IHO1: variants seen among roughly 807,000 people sequenced by gnomAD.
The protein encoded by IHO1 is interactor of HORMAD1 protein 1.
IHO1 carries 13 observed loss-of-function variants against 31.0 expected under a neutral mutation model. The observed-to-expected ratio is 0.42, with a 90% confidence interval of 0.27 to 0.67. The LOEUF (loss-of-function observed/expected upper bound fraction) is 0.67, where lower values mean the gene tolerates loss of function less well. IHO1 is among the 30% of genes least tolerant of loss of function. IHO1 has a pLI of 0.24. For missense variants in IHO1, 599 were observed against 687.5 expected, an observed-to-expected ratio of 0.87 and a Z score of 1.44; for synonymous variants, 221 against 248.4, an observed-to-expected ratio of 0.89 and a Z score of 1.04.
rs77155465 is a variant in IHO1 at position 49,211,640 on chromosome 3, A to G, written c.-15-126A>G. Reference sequence around the variant, plus strand: ...CTCCGTCTCAAAAAAAAAAAACAGAAATTTTCACTAATTGGATGGGAATAT... The same window carrying G: ...CTCCGTCTCAAAAAAAAAAAACAGAGATTTTCACTAATTGGATGGGAATAT... On this transcript the variant is annotated intron_variant, in intron 1 of 7. Transcript: ENST00000452691. 3,339 of 390,232 alleles carry G rather than the reference A, an allele frequency of 8.6e-3. 89 individuals are homozygous for G. The highest frequency in any genetic ancestry group is 0.065 in the African/African-American group (3,026 of 46,634). 24.2% of individuals were successfully genotyped at this position (390,232 alleles called of 1,614,324 possible).
intron 2 of IHO1, among the ~76,000 whole-genome samples, chr3:49,231,545 A>AT (rs532502741): frequency 5.6e-4 from 86 of 152,296 alleles, no homozygotes; most frequent in Non-Finnish European, 7.5e-4. Context: ...TATTAATGTG[A>AT]TTTTGGATTC....
intron 6 of IHO1, among the ~76,000 whole-genome samples, chr3:49,251,670 C>T (rs555235175): frequency 1.2e-4 from 18 of 151,528 alleles, no homozygotes; most frequent in South Asian, 1.0e-3. Context: ...GGCGCGATCT[C>T]GGCTCACCGC....
In IHO1 at chr3:49,257,806, A is replaced by G. The variant is rs2046842709; in HGVS notation, c.*524A>G. 6.5e-6 allele frequency: 1 copy of G among 153,588 alleles called. No individual in the cohort carries two copies. Among genetic ancestry groups the G allele is most frequent in the East Asian group, 1.9e-4 (1 of 5,218 alleles). 9.5% of individuals were successfully genotyped at this position (153,588 alleles called of 1,614,324 possible). A position where few individuals can be genotyped will look rare whatever the true frequency, so the allele number is the denominator to read the frequency against. ...CAGTAGACATATTACAGGACACCCT[A>G]AATCTTCTTGTGAACAGAGAAAATA... On this transcript the variant is annotated 3_prime_UTR_variant, in exon 8 of 8. Transcript: ENST00000452691.
intron 2 of IHO1, among the ~76,000 whole-genome samples, chr3:49,224,447 G>A (rs1575574639): frequency 2.0e-5 from 3 of 152,326 alleles, no homozygotes; most frequent in South Asian, 2.1e-4. Flanking sequence ...GTATTTAATG[G>A]GGGTTCTTCC....
intron 2 of IHO1, among the ~76,000 whole-genome samples, chr3:49,215,574 G>A (rs1225650675): frequency 6.6e-6 from 1 of 152,204 alleles, no homozygotes. Flanking sequence ...TCTAGGTCCT[G>A]CTGCTCGCCA....
At chr3:49,221,074 G>A in intron 2 of IHO1, among the ~76,000 whole-genome samples, 1 of 152,100 alleles carries the variant, frequency 6.6e-6, no homozygotes, top group South Asian at 2.1e-4. Flanking sequence ...GTGCTGATTG[G>A]GCCATTTTAC....
In IHO1 at chr3:49,211,831, C is replaced by T. The variant is rs780848556; in HGVS notation, c.51C>T (p.Gly17=). Residue 17 remains glycine (G), a synonymous_variant, in exon 2 of 8, where the codon GGC becomes GGT. Transcript: ENST00000452691. ...AAGAGATGCTCAGTATTCCTTCAGG[C>T]TCTGGGTAAGTTTTCTGGTTATATT... ...NIKEMLSIPS[G]SGNKKSSNWN... is the part of the protein sequence containing the mutation. 1.3e-6 allele frequency: 2 copies of T among 1,566,686 alleles called. No individual in the cohort carries two copies. Among genetic ancestry groups the T allele is most frequent in the Non-Finnish European group, 1.8e-6 (2 of 1,137,358 alleles).
chr3:49,211,653 T>C (rs532263597), intron 1 of IHO1, 113 bp from the exon 2 acceptor site: 1 of 411,206 alleles, frequency 2.4e-6, no homozygotes, highest in South Asian at 3.7e-5. Context: ...TTTCACTAAT[T>C]GGATGGGAAT....
At chr3:49,249,004 T>C (rs988549662) in intron 6 of IHO1, among the ~76,000 whole-genome samples, 5 of 152,162 alleles carry the variant, frequency 3.3e-5, no homozygotes, top group African/African-American at 1.2e-4. Context: ...CATCAGGGAA[T>C]AGGGAAGTAA....
At chr3:49,213,447 A>C (rs1438066637) in intron 2 of IHO1, among the ~76,000 whole-genome samples, 1 of 152,222 alleles carries the variant, frequency 6.6e-6, no homozygotes, top group Non-Finnish European at 1.5e-5. Flanking sequence ...CCAAGTCCCC[A>C]CTAGACTCAG....
chr3:49,253,380 G>C (rs1174266012), intron 6 of IHO1, among the ~76,000 whole-genome samples: 1 of 152,208 alleles, frequency 6.6e-6, no homozygotes, highest in South Asian at 2.1e-4. Flanking sequence ...AGCTGAGATC[G>C]TGCCACTGCA....
chr3:49,231,923 C>T lies in IHO1; in HGVS notation c.57-4625C>T, dbSNP rs1575578549. ...ATCTTTTACAGGAGGAATTAATCCT[C>T]AAGGATTGGAACCTAATTCTCTTTG... is the stretch of plus-strand genomic sequence containing the variant. On this transcript the variant is annotated intron_variant, in intron 2 of 7. Coordinates refer to ENST00000452691, the MANE Select transcript of IHO1 (RefSeq NM_001135197.2). 2.0e-5 allele frequency among the ~76,000 whole-genome samples: 3 copies of T among 152,220 alleles called. No homozygotes were observed. In the East Asian group the frequency reaches 5.8e-4, roughly 29 times the overall value.
upstream of IHO1, among the ~76,000 whole-genome samples, chr3:49,197,583 G>C (rs1261554595): frequency 6.6e-6 from 1 of 152,068 alleles, no homozygotes; most frequent in African/African-American, 2.4e-5. Context: ...GCCATCAAGA[G>C]AGTAAATATG....
chr3:49,193,437 G>T (rs1045886056), upstream of IHO1, among the ~76,000 whole-genome samples: 9 of 151,946 alleles, frequency 5.9e-5, no homozygotes, highest in Non-Finnish European at 1.0e-4. Context: ...GGTAGCTCAC[G>T]CCTGTAATCC....
At chr3:49,207,878 A>T (rs1002944748) in intron 1 of IHO1, among the ~76,000 whole-genome samples, 8 of 150,230 alleles carry the variant, frequency 5.3e-5, no homozygotes, top group African/African-American at 2.0e-4. Context: ...GGTTCATGCC[A>T]TTCTCCTGCC....
chr3:49,229,422 T>A (rs1206733788), intron 2 of IHO1, among the ~76,000 whole-genome samples: 1 of 152,224 alleles, frequency 6.6e-6, no homozygotes, highest in Non-Finnish European at 1.5e-5. Context: ...TGATTCAGAT[T>A]ACAATGGGGA....
At position 49,237,887 on chromosome 3, in the gene IHO1, C is replaced by CTTTTTTTTTTTTTTT. The variant is rs574951773; in HGVS notation, c.231+1182_231+1196dup. Among the ~76,000 whole-genome samples the CTTTTTTTTTTTTTTT allele has an allele frequency of 1.4e-4, 7 of 51,414 alleles. 1 individual carries two copies. The highest frequency in any genetic ancestry group is 6.5e-4 in the East Asian group (1 of 1,548). 33.7% of individuals were successfully genotyped at this position (51,414 alleles called of 152,430 possible). ...TGTTTTGAGATTAACCTGTCTTTTC[C>CTTTTTTTTTTTTTTT]TTTTTTTTTTTTTTTTTTTTTTTTT... On this transcript the variant is annotated intron_variant, in intron 3 of 7. Coordinates refer to ENST00000452691, the MANE Select transcript of IHO1 (RefSeq NM_001135197.2).
intron 3 of IHO1, among the ~76,000 whole-genome samples, chr3:49,239,904 G>A (rs2046609323): frequency 6.6e-6 from 1 of 151,782 alleles, no homozygotes; most frequent in African/African-American, 2.4e-5. Flanking sequence ...CAGGTGATCT[G>A]CCCACTTCGG....
Position 49,256,693 on chromosome 3 carries a change from A to T in IHO1, c.1196A>T (p.Asn399Ile). 6.2e-7 allele frequency: 1 copy of T among 1,614,186 alleles called. No individual in the cohort carries two copies. The highest frequency in any genetic ancestry group is 8.5e-7 in the Non-Finnish European group (1 of 1,180,038). The change falls in exon 8 of 8, where the codon AAC becomes ATC. Residue 399 changes from asparagine (N) to isoleucine (I), a missense_variant. Physicochemically the swap from Asn to Ile is moderately radical, Grantham distance 149. Coordinates refer to ENST00000452691, the MANE Select transcript of IHO1 (RefSeq NM_001135197.2). The surrounding 1 kb of genome is among the most constrained non-coding windows in gnomAD (Gnocchi z 4.6). ...TCACAGCTCACATCATTGGAGATAA[A>T]CTTTTCAACCAGCATTAAGAATGCC... is the stretch of plus-strand genomic sequence containing the variant. ...GASQLTSLEINFSTSIKNACQ... is the reference protein window; with the variant it reads ...GASQLTSLEIIFSTSIKNACQ...
Sources: allele counts gnomAD v4.1 joint callset (sites outside exome capture counted in the v4.1 genomes callset), GRCh38; gene constraint gnomAD v4.1.1; non-coding constraint Gnocchi (gnomAD v3.1); transcripts MANE v1.5; gene names NCBI Gene and HGNC (gene_info 2026-07-23, HGNC 2026-07-21).